Variants in GRID2 observed in about 807,000 individuals in gnomAD.
GRID2 encodes glutamate receptor ionotropic, delta-2.
GRID2 carries 33 observed loss-of-function variants against 114.8 expected under a neutral mutation model. That is an observed-to-expected ratio of 0.29 (90% CI 0.22 to 0.38). The LOEUF is 0.38. Among genes scored for constraint, GRID2 ranks in the 10% least tolerant of loss-of-function variants. GRID2 has a pLI of 1.00. For synonymous variants in GRID2, 505 were observed against 449.9 expected (o/e 1.12, Z -1.55); for missense variants, 1,184 against 1,257.7 (o/e 0.94, Z 0.89).
At chr4:92,361,632 G>A (rs60254774) in intron 1 of GRID2, among the ~76,000 whole-genome samples, 2 of 152,128 alleles carry the variant, frequency 1.3e-5, no homozygotes, top group East Asian at 3.9e-4. Flanking sequence ...GAGGAAGTAG[G>A]TTGTGATGGG....
At chr4:93,415,378 T>C (rs555114870) in intron 9 of GRID2, among the ~76,000 whole-genome samples, 1 of 152,210 alleles carries the variant, frequency 6.6e-6, no homozygotes, top group East Asian at 1.9e-4. Context: ...AGTGTCAAAT[T>C]TACTAATATA....
At chr4:93,363,326 C>T (rs575067723) in intron 8 of GRID2, among the ~76,000 whole-genome samples, 1 of 152,132 alleles carries the variant, frequency 6.6e-6, no homozygotes, top group Non-Finnish European at 1.5e-5. Context: ...TTGGAGGAGC[C>T]TGTCTTTCCT....
At chr4:93,339,584 C>T (rs1321989383) in intron 8 of GRID2, among the ~76,000 whole-genome samples, 2 of 152,186 alleles carry the variant, frequency 1.3e-5, no homozygotes, top group Admixed American at 1.3e-4. Flanking sequence ...CAATAAATTT[C>T]TGTTTTAAGC....
chr4:92,922,933 G>A (rs1398513795), intron 2 of GRID2, among the ~76,000 whole-genome samples: 2 of 152,198 alleles, frequency 1.3e-5, no homozygotes, highest in Non-Finnish European at 2.9e-5. Context: ...GCTCTAGGAC[G>A]CTGAAATATT....
chr4:93,077,349 TTCTC>T (rs1172464022), intron 2 of GRID2, among the ~76,000 whole-genome samples: 3 of 152,174 alleles, frequency 2.0e-5, no homozygotes, highest in Non-Finnish European at 4.4e-5. Flanking sequence ...TATTTTGTCA[TTCTC>T]TATCTTTCTC....
intron 13 of GRID2, among the ~76,000 whole-genome samples, chr4:93,546,228 T>C (rs1374208396): frequency 2.6e-5 from 4 of 152,178 alleles, no homozygotes; most frequent in South Asian, 2.1e-4. Flanking sequence ...ACCTGTGTTG[T>C]AGTTGTTTAA....
chr4:93,694,284 A>G (rs1578588767), intron 14 of GRID2, among the ~76,000 whole-genome samples: 2 of 152,016 alleles, frequency 1.3e-5, no homozygotes, highest in Admixed American at 6.6e-5. Context: ...CATGTACCCA[A>G]CCAACCTCCT....
intron 3 of GRID2, among the ~76,000 whole-genome samples, chr4:93,105,783 T>C (rs756168519): frequency 5.9e-5 from 9 of 152,196 alleles, no homozygotes; most frequent in Non-Finnish European, 1.0e-4. Context: ...ATGCTCCTGT[T>C]CTGTCTCCCT....
chr4:93,310,779 G>T (rs1297353821), intron 8 of GRID2, among the ~76,000 whole-genome samples: 1 of 152,186 alleles, frequency 6.6e-6, no homozygotes, highest in Non-Finnish European at 1.5e-5. Flanking sequence ...TGGGGTCTGG[G>T]ATCCAGGAGT....
chr4:93,315,683 A>C (rs1756504560), intron 8 of GRID2, among the ~76,000 whole-genome samples: 1 of 152,230 alleles, frequency 6.6e-6, no homozygotes, highest in Admixed American at 6.5e-5. Flanking sequence ...GGCACTTAAT[A>C]AATATTTATG....
intron 1 of GRID2, among the ~76,000 whole-genome samples, chr4:92,368,751 A>T (rs1174391638): frequency 6.6e-6 from 1 of 152,068 alleles, no homozygotes; most frequent in Non-Finnish European, 1.5e-5. Flanking sequence ...ATGACTTTGT[A>T]TCAAAGAATG....
chr4:93,612,384 T>C (rs1741039382), intron 13 of GRID2, among the ~76,000 whole-genome samples: 1 of 149,820 alleles, frequency 6.7e-6, no homozygotes, highest in Non-Finnish European at 1.5e-5. Context: ...TGCTTGTTAG[T>C]TGATGCAGTT....
At chr4:93,788,596 A>C (rs1237799317) in intron 1 of GRID2, among the ~76,000 whole-genome samples, 1 of 152,136 alleles carries the variant, frequency 6.6e-6, no homozygotes, top group Non-Finnish European at 1.5e-5. Flanking sequence ...TGGAAGAAAA[A>C]AGATAACAAA....
intron 3 of GRID2, among the ~76,000 whole-genome samples, chr4:93,097,385 TAAACTA>T (rs959734679): frequency 2.0e-5 from 3 of 151,918 alleles, no homozygotes; most frequent in Non-Finnish European, 2.9e-5. Context: ...ATCATAATTT[TAAACTA>T]AACACATAAT....
At chr4:93,710,288 G>A (rs756624372) in intron 14 of GRID2, among the ~76,000 whole-genome samples, 3 of 152,204 alleles carry the variant, frequency 2.0e-5, no homozygotes, top group Non-Finnish European at 4.4e-5. Context: ...ATATACATTA[G>A]GGGGCACCCC....
intron 14 of GRID2, among the ~76,000 whole-genome samples, chr4:93,632,348 A>C (rs1040325656): frequency 6.6e-6 from 1 of 152,164 alleles, no homozygotes; most frequent in Non-Finnish European, 1.5e-5. Context: ...TTATGGTTTT[A>C]GGTCTAACAT....
intron 2 of GRID2, among the ~76,000 whole-genome samples, chr4:92,674,608 C>T (rs556509522): frequency 6.6e-5 from 10 of 152,122 alleles, no homozygotes; most frequent in African/African-American, 9.6e-5. Context: ...CTGCAACCTC[C>T]GCCTCCCAGG....
chr4:92,844,236 T>C (rs1339309899), intron 2 of GRID2, among the ~76,000 whole-genome samples: 1 of 152,022 alleles, frequency 6.6e-6, no homozygotes, highest in East Asian at 1.9e-4. Context: ...TTTCTGTCAG[T>C]CATTCTTCCA....
intron 1 of GRID2, among the ~76,000 whole-genome samples, chr4:92,506,899 GT>G (rs1724003434): frequency 1.3e-5 from 2 of 151,880 alleles, no homozygotes; most frequent in African/African-American, 2.4e-5. Context: ...TTTCTAATAT[GT>G]CTTTTATTTA....
Sources: allele counts gnomAD v4.1 joint callset (sites outside exome capture counted in the v4.1 genomes callset), GRCh38; gene constraint gnomAD v4.1.1; transcripts MANE v1.5; gene names NCBI Gene and HGNC (gene_info 2026-07-23, HGNC 2026-07-21).